The following DCC variants were observed in gnomAD, a reference collection of about 807,000 sequenced individuals.
DCC encodes netrin receptor DCC.
In DCC, 58 loss-of-function variants were observed where a neutral mutation model predicts 172.5. The observed-to-expected ratio is 0.34, with a 90% CI of 0.27 to 0.42. The LOEUF (loss-of-function observed/expected upper bound fraction) is 0.42, where lower values mean the gene tolerates loss of function less well. Ranked by LOEUF, DCC falls within the 10% of genes least tolerant of loss-of-function variation. The pLI, the probability that DCC is intolerant of heterozygous loss-of-function variation, is 1.00. For missense variants in DCC, 1,740 were observed against 1,791.0 expected (o/e 0.97, Z 0.51); for synonymous variants, 709 against 644.5 (o/e 1.10, Z -1.52).
intron 1 of DCC, among the ~76,000 whole-genome samples, chr18:52,341,678 G>A (rs1983642651): frequency 6.6e-6 from 1 of 152,152 alleles, no homozygotes; most frequent in African/African-American, 2.4e-5. Flanking sequence ...GGAGAAAGAG[G>A]GACCTGGAGG....
intron 2 of DCC, among the ~76,000 whole-genome samples, chr18:52,855,722 A>G (rs1218831599): frequency 6.6e-6 from 1 of 151,964 alleles, no homozygotes; most frequent in Non-Finnish European, 1.5e-5. Flanking sequence ...AAATGGTCAT[A>G]AGGATGGTGA....
intron 12 of DCC, among the ~76,000 whole-genome samples, chr18:53,268,634 T>G (rs1463059080): frequency 1.3e-5 from 2 of 152,180 alleles, no homozygotes; most frequent in Non-Finnish European, 2.9e-5. Flanking sequence ...ATGGCGAGAT[T>G]CATATCTCTG....
intron 13 of DCC, among the ~76,000 whole-genome samples, chr18:53,314,667 C>A (rs1477682154): frequency 6.6e-6 from 1 of 152,056 alleles, no homozygotes; most frequent in African/African-American, 2.4e-5. Context: ...TTTTTTTATA[C>A]TTAACCTAGC....
At chr18:52,492,231 C>T (rs59642151) in intron 1 of DCC, among the ~76,000 whole-genome samples, 10,128 of 151,792 alleles carry the variant, frequency 0.067, 459 homozygotes, top group South Asian at 0.12. Context: ...GACTGGTGAA[C>T]ATTTGAGAGA....
intron 26 of DCC, among the ~76,000 whole-genome samples, chr18:53,497,986 T>A (rs964794927): frequency 1.3e-5 from 2 of 152,202 alleles, no homozygotes; most frequent in African/African-American, 4.8e-5. Flanking sequence ...TATGGCTACA[T>A]CCTGTGCTCA....
At position 53,439,580 on chromosome 18, in the gene DCC, C is replaced by G. The variant is rs1238051269; in HGVS notation, c.3229+4371C>G. On this transcript the variant is annotated intron_variant, in intron 22 of 28. Transcript: ENST00000442544. ...TTAGACCTTGCTAATCATTTACTTTCTCTTACAGCGTGCCACTCTTAAAAA... is the reference window on the plus strand; with the variant it reads ...TTAGACCTTGCTAATCATTTACTTTGTCTTACAGCGTGCCACTCTTAAAAA... Among the ~76,000 whole-genome samples, 3 of 152,152 alleles carry G rather than the reference C, an allele frequency of 2.0e-5. No individual in the cohort carries two copies. In the East Asian group the frequency reaches 5.8e-4, roughly 29 times the overall value.
intron 2 of DCC, among the ~76,000 whole-genome samples, chr18:52,798,924 T>G (rs997635686): frequency 6.6e-6 from 1 of 152,014 alleles, no homozygotes; most frequent in Admixed American, 6.6e-5. Flanking sequence ...ATTCTTTATA[T>G]TTTTAGTAGA....
chr18:52,518,025 C>T (rs1206455124), intron 1 of DCC, among the ~76,000 whole-genome samples: 1 of 152,110 alleles, frequency 6.6e-6, no homozygotes, highest in Non-Finnish European at 1.5e-5. Context: ...TTCTTACATT[C>T]TCCTCTATTC....
intron 5 of DCC, among the ~76,000 whole-genome samples, chr18:53,030,780 C>T (rs1442759252): frequency 6.6e-6 from 1 of 152,088 alleles, no homozygotes; most frequent in East Asian, 1.9e-4. Context: ...TTCACTGGGG[C>T]CTAGGCCTAC....
At chr18:53,377,421 A>T (rs1277448625) in intron 15 of DCC, among the ~76,000 whole-genome samples, 1 of 149,872 alleles carries the variant, frequency 6.7e-6, no homozygotes, top group African/African-American at 2.5e-5. Flanking sequence ...TTTCAACAGG[A>T]ACCCACTCCT....
At chr18:53,321,198 G>T (rs1024880527) in intron 13 of DCC, among the ~76,000 whole-genome samples, 3 of 152,100 alleles carry the variant, frequency 2.0e-5, no homozygotes, top group African/African-American at 7.2e-5. Flanking sequence ...ATGAATGGGG[G>T]ATAACAGTTA....
At chr18:52,711,474 T>C (rs965127097) in intron 1 of DCC, among the ~76,000 whole-genome samples, 2 of 152,178 alleles carry the variant, frequency 1.3e-5, no homozygotes, top group Non-Finnish European at 2.9e-5. Flanking sequence ...AATAAACTGT[T>C]TTTGCATGAT....
chr18:52,618,715 T>G (rs58696103), intron 1 of DCC, among the ~76,000 whole-genome samples: 12,153 of 152,256 alleles, frequency 0.08, 605 homozygotes, highest in South Asian at 0.17. Flanking sequence ...AGCTGTATTC[T>G]AATATATTTT....
chr18:52,637,187 C>A (rs2034797835), intron 1 of DCC, among the ~76,000 whole-genome samples: 1 of 152,188 alleles, frequency 6.6e-6, no homozygotes, highest in South Asian at 2.1e-4. Flanking sequence ...AGCCCTAGAC[C>A]TTCCCTCTGA....
intron 1 of DCC, among the ~76,000 whole-genome samples, chr18:52,353,276 A>C (rs1452813507): frequency 1.5e-5 from 1 of 65,496 alleles, no homozygotes; most frequent in African/African-American, 6.0e-5. Flanking sequence ...TTTTCTCATC[A>C]ATACTCATAT....
At chr18:52,494,823 T>C (rs1035261743) in intron 1 of DCC, among the ~76,000 whole-genome samples, 1 of 152,142 alleles carries the variant, frequency 6.6e-6, no homozygotes, top group Non-Finnish European at 1.5e-5. Context: ...TGTTTTTATT[T>C]TAAAAATTGC....
At chr18:53,431,794 A>T (rs1911638013) in intron 21 of DCC, among the ~76,000 whole-genome samples, 1 of 152,072 alleles carries the variant, frequency 6.6e-6, no homozygotes, top group African/African-American at 2.4e-5. Context: ...TTCATATAGT[A>T]CATTTGATCA....
chr18:52,622,043 G>C lies in DCC; in HGVS notation c.92-130011G>C, dbSNP rs1215153267. ...CGTGAACACACTCACAGAGAAAAGAGAGCGATTAAAAGAGGATCATCGAAC... is the reference window on the plus strand; with the variant it reads ...CGTGAACACACTCACAGAGAAAAGACAGCGATTAAAAGAGGATCATCGAAC... On this transcript the variant is annotated intron_variant, in intron 1 of 28. Coordinates refer to ENST00000442544, the MANE Select transcript of DCC (RefSeq NM_005215.4). 3.3e-5 allele frequency among the ~76,000 whole-genome samples: 5 copies of C among 152,072 alleles called. No individual in the cohort carries two copies. In the East Asian group the frequency reaches 5.8e-4, roughly 18 times the overall value.
chr18:52,645,095 G>A (rs931064687), intron 1 of DCC, among the ~76,000 whole-genome samples: 6 of 151,982 alleles, frequency 3.9e-5, no homozygotes, highest in African/African-American at 1.5e-4. Context: ...CATTTACATT[G>A]AGTTTTCTTG....
Sources: allele counts gnomAD v4.1 joint callset (sites outside exome capture counted in the v4.1 genomes callset), GRCh38; gene constraint gnomAD v4.1.1; transcripts MANE v1.5; gene names NCBI Gene and HGNC (gene_info 2026-07-23, HGNC 2026-07-21).